EPG5: variants seen among roughly 807,000 people sequenced by gnomAD.
The protein encoded by EPG5 is ectopic P-granules 5 autophagy tethering factor.
Under a neutral mutation model 302.7 loss-of-function variants are expected in EPG5, and 159 were observed. The ratio of observed to expected loss-of-function variants is 0.53; its 90% CI spans 0.46 to 0.60. The LOEUF (loss-of-function observed/expected upper bound fraction) is 0.60. EPG5 is among the 20% of genes least tolerant of loss of function. The pLI, the probability that EPG5 is intolerant of heterozygous loss-of-function variation, is 0.00. For missense variants in EPG5, 2,896 were observed against 3,092.4 expected, an observed-to-expected ratio of 0.94 and a Z score of 1.51; for synonymous variants, 1,158 against 1,136.8, an observed-to-expected ratio of 1.02 and a Z score of -0.37.
intron 20 of EPG5, among the ~76,000 whole-genome samples, chr18:45,914,924 C>T (rs1264926347): frequency 1.3e-5 from 2 of 151,550 alleles, no homozygotes. Flanking sequence ...TTGAGACCAG[C>T]CTGGGCAACA....
the EPG5 span, among the ~76,000 whole-genome samples, chr18:45,824,482 A>T: frequency 6.6e-6 from 1 of 152,240 alleles, no homozygotes; most frequent in South Asian, 2.1e-4. Flanking sequence ...CTGGGATTAC[A>T]GGCGTGACAG....
downstream of EPG5, among the ~76,000 whole-genome samples, chr18:45,844,851 T>G (rs2048351951): frequency 6.6e-6 from 1 of 151,810 alleles, no homozygotes. Flanking sequence ...GACACAGGAG[T>G]GGTGTGTATT....
chr18:45,903,990 A>C lies in EPG5; in HGVS notation c.4457T>G (p.Phe1486Cys). Residue 1486 changes from phenylalanine (F) to cysteine (C), a missense_variant, in exon 25 of 44, where the codon TTC becomes TGC. This residue lies in a region of EPG5 where 790 missense variants were observed against 798.0 expected (regional missense o/e 0.99). Transcript: ENST00000282041. The part of the protein sequence containing the change: ...TPCSLSVQLD[F>C]TDPLLAKERV... ...GGACCCACCCAGCAAAGGATCAGTG[A>C]AGTCCAGCTGCACGGACAAACTGCA... The C allele has an allele frequency of 4.3e-6, 7 of 1,610,422 alleles. No individual in the cohort carries two copies. The highest frequency in any genetic ancestry group is 5.9e-6 in the Non-Finnish European group (7 of 1,179,348).
chr18:45,901,316 T>C (rs1346743847), intron 25 of EPG5, 149 bp from the exon 26 acceptor site: 3 of 698,126 alleles, frequency 4.3e-6, no homozygotes, highest in Non-Finnish European at 4.6e-6. Context: ...TCTTAAATTA[T>C]TACCCTAGAC....
chr18:45,953,695 T>G, intron 2 of EPG5: 5 of 985,366 alleles, frequency 5.1e-6, no homozygotes, highest in Non-Finnish European at 6.0e-6. Context: ...GGGGGCTCTG[T>G]GTTACACATC....
At chr18:45,813,530 T>A in the EPG5 span, among the ~76,000 whole-genome samples, 1 of 152,192 alleles carries the variant, frequency 6.6e-6, no homozygotes, top group Non-Finnish European at 1.5e-5. Context: ...TGTCCAGCAA[T>A]GACAGACTGG....
chr18:45,912,065 T>C (rs2049916088), intron 22 of EPG5, among the ~76,000 whole-genome samples: 1 of 152,130 alleles, frequency 6.6e-6, no homozygotes, highest in South Asian at 2.1e-4. Context: ...TTGTCTTTAC[T>C]ACACTGGTCA....
At chr18:45,966,409 TAC>T (rs1267442995) in intron 1 of EPG5, among the ~76,000 whole-genome samples, 405 of 151,588 alleles carry the variant, frequency 2.7e-3, no homozygotes, top group African/African-American at 9.2e-3. Context: ...TACATATATA[TAC>T]ACACACACAT....
At chr18:45,947,183 T>TG (rs920787699) in intron 6 of EPG5, among the ~76,000 whole-genome samples, 1 of 151,958 alleles carries the variant, frequency 6.6e-6, no homozygotes, top group African/African-American at 2.4e-5. Context: ...GGGAGGCTGA[T>TG]GGGGGTGGAT....
At chr18:45,871,891 A>AG (rs201007224) in intron 35 of EPG5, among the ~76,000 whole-genome samples, 6,965 of 152,274 alleles carry the variant, frequency 0.046, 281 homozygotes, top group Admixed American at 0.13. Context: ...ACTACCGTCC[A>AG]CAACAATGCA....
intron 27 of EPG5, among the ~76,000 whole-genome samples, chr18:45,895,409 C>T (rs1406225674): frequency 6.6e-6 from 1 of 151,876 alleles, no homozygotes; most frequent in Non-Finnish European, 1.5e-5. Flanking sequence ...TCGTTTTGAA[C>T]TATTCTGAGA....
intron 10 of EPG5, among the ~76,000 whole-genome samples, chr18:45,939,372 G>A (rs909442851): frequency 1.3e-5 from 2 of 152,158 alleles, no homozygotes; most frequent in African/African-American, 2.4e-5. Flanking sequence ...CACCAGAATA[G>A]TGTTATCTTA....
chr18:45,858,511 T>C (rs1422750775), intron 41 of EPG5, 55 bp downstream of exon 41: 5 of 1,401,666 alleles, frequency 3.6e-6, no homozygotes, highest in African/African-American at 1.4e-5. Flanking sequence ...AAGCTCTAAA[T>C]TCCAAGTTAA....
chr18:45,880,320 A>G, intron 31 of EPG5, 97 bp from the exon 32 acceptor site: 1 of 1,206,408 alleles, frequency 8.3e-7, no homozygotes, highest in Non-Finnish European at 1.1e-6. Context: ...AGGAATAAAA[A>G]TAAAGCCAAA....
At chr18:45,869,977 A>G (rs1196367203) in intron 36 of EPG5, among the ~76,000 whole-genome samples, 2 of 151,830 alleles carry the variant, frequency 1.3e-5, no homozygotes, top group South Asian at 2.1e-4. Context: ...ATGCCTGACT[A>G]GTATGTAAGT....
intron 16 of EPG5, among the ~76,000 whole-genome samples, chr18:45,918,120 C>G (rs1330728873): frequency 6.6e-6 from 1 of 152,150 alleles, no homozygotes; most frequent in Non-Finnish European, 1.5e-5. Context: ...ATCCAGAGTG[C>G]TCTCTACTAC....
At chr18:45,901,999 GA>G (rs1370075135) in intron 25 of EPG5, among the ~76,000 whole-genome samples, 2 of 152,160 alleles carry the variant, frequency 1.3e-5, no homozygotes, top group African/African-American at 4.8e-5. Flanking sequence ...ATAACATGAA[GA>G]AAAATGCTGC....
At chr18:45,886,154 T>C (rs2049212162) in intron 29 of EPG5, among the ~76,000 whole-genome samples, 1 of 152,236 alleles carries the variant, frequency 6.6e-6, no homozygotes, top group African/African-American at 2.4e-5. Flanking sequence ...AAACATCAAA[T>C]ATACAATGTG....
At chr18:45,840,074 A>C in the EPG5 span, 8 of 885,142 alleles carry the variant, frequency 9.0e-6, no homozygotes, top group Non-Finnish European at 1.4e-5. Context: ...ACAGCTTCAC[A>C]CCCTGCTAGT....
Sources: gnomAD v4.1 joint callset for allele counts (sites outside exome capture counted in the v4.1 genomes callset) on GRCh38, gnomAD v4.1.1 for gene constraint, gnomAD v4.1.1 regional missense constraint, MANE v1.5 for transcripts, NCBI Gene and HGNC (gene_info 2026-07-23, HGNC 2026-07-21) for gene names.